The following PRKCB variants were observed in gnomAD, a reference collection of about 807,000 sequenced individuals.
PRKCB encodes the protein protein kinase C beta, also known as protein kinase C beta type.
In PRKCB, 13 loss-of-function variants were observed where a neutral mutation model predicts 81.5. That is an observed-to-expected ratio of 0.16 (90% CI 0.10 to 0.25). PRKCB has a LOEUF of 0.25. Ranked by LOEUF, PRKCB falls within the 10% of genes least tolerant of loss-of-function variation. The probability of loss-of-function intolerance (pLI) is 1.00; values close to 1 mark genes in which losing one functional copy is unlikely to be tolerated. For synonymous variants in PRKCB, 335 were observed against 321.4 expected (o/e 1.04, Z -0.45); for missense variants, 509 against 875.7 (o/e 0.58, Z 5.29).
intron 7 of PRKCB, chr16:24,098,476 A>G (rs1966468202): frequency 6.6e-6 from 1 of 152,268 alleles, no homozygotes; most frequent in African/African-American, 2.4e-5. Context: ...TTGGCCAGGC[A>G]TGGCGGCTCA....
intron 10 of PRKCB, among the ~76,000 whole-genome samples, chr16:24,160,088 C>T (rs1045500571): frequency 8.6e-5 from 13 of 151,896 alleles, no homozygotes; most frequent in African/African-American, 3.1e-4. Context: ...CATTTCTATT[C>T]AATGGAAACT....
intron 8 of PRKCB, among the ~76,000 whole-genome samples, chr16:24,122,468 T>TC (rs1555498212): frequency 1.4e-5 from 2 of 138,930 alleles, no homozygotes; most frequent in African/African-American, 6.6e-5. Flanking sequence ...TTTTTTTTTT[T>TC]AGTGAGAGAG....
At chr16:23,981,216 C>T (rs1964697539) in intron 2 of PRKCB, among the ~76,000 whole-genome samples, 1 of 152,082 alleles carries the variant, frequency 6.6e-6, no homozygotes, top group Admixed American at 6.6e-5. Context: ...CAATCTGTTT[C>T]TTACCTTTTC....
intron 2 of PRKCB, among the ~76,000 whole-genome samples, chr16:23,906,078 G>A (rs924153773): frequency 6.6e-6 from 1 of 152,198 alleles, no homozygotes; most frequent in Non-Finnish European, 1.5e-5. Flanking sequence ...GTGTCGCATT[G>A]GAATCATGAG....
At chr16:23,977,026 C>T (rs1475352747) in intron 2 of PRKCB, among the ~76,000 whole-genome samples, 2 of 152,092 alleles carry the variant, frequency 1.3e-5, no homozygotes, top group Non-Finnish European at 2.9e-5. Context: ...AGTTGCTGAC[C>T]ACTGCAAAAT....
chr16:24,143,242 C>A (rs1443554814), intron 9 of PRKCB, among the ~76,000 whole-genome samples: 1 of 152,150 alleles, frequency 6.6e-6, no homozygotes, highest in African/African-American at 2.4e-5. Flanking sequence ...AAGCGAGTCT[C>A]CTGCCTCAGC....
chr16:23,836,105 C>G lies in PRKCB; in HGVS notation c.-71C>G, dbSNP rs1209958408. Reference sequence around the variant, plus strand: ...CAGCGGCCGCCGCCTCCCGCGCCTCCCCGGCCCGCAGCCCGCGGTCCCGCG... The same window carrying G: ...CAGCGGCCGCCGCCTCCCGCGCCTCGCCGGCCCGCAGCCCGCGGTCCCGCG... On this transcript the variant is annotated 5_prime_UTR_variant, in exon 1 of 17. Transcript: ENST00000643927. The G allele has an allele frequency of 9.3e-7, 1 of 1,080,986 alleles. No individual in the cohort carries two copies. Among genetic ancestry groups the G allele is most frequent in the Non-Finnish European group, 1.1e-6 (1 of 884,304 alleles). 67.0% of individuals were successfully genotyped at this position (1,080,986 alleles called of 1,614,324 possible).
At chr16:23,902,784 C>CCTTCTT (rs1963501526) in intron 2 of PRKCB, among the ~76,000 whole-genome samples, 2 of 15,258 alleles carry the variant, frequency 1.3e-4, no homozygotes, top group African/African-American at 5.0e-4. Context: ...CTTCCTTCCT[C>CCTTCTT]CCTCCCTCCC....
At chr16:24,091,939 G>A (rs1177220366) in intron 5 of PRKCB, among the ~76,000 whole-genome samples, 1 of 152,112 alleles carries the variant, frequency 6.6e-6, no homozygotes, top group Admixed American at 6.5e-5. Context: ...GGTGATACAT[G>A]GATAATAGGT....
intron 2 of PRKCB, among the ~76,000 whole-genome samples, chr16:23,847,368 CTATCTATCTGTCCATCTATCTATCT>C (rs1962391013): frequency 2.7e-4 from 2 of 7,404 alleles, no homozygotes; most frequent in East Asian, 0.019. Flanking sequence ...ATCTATCTAT[CTATCTATCTGTCCATCTATCTATCT>C]ATCCATCCAT....
At chr16:23,987,723 C>T (rs1254444517) in intron 2 of PRKCB, among the ~76,000 whole-genome samples, 1 of 152,030 alleles carries the variant, frequency 6.6e-6, no homozygotes, top group East Asian at 1.9e-4. Context: ...AGCATGGCAC[C>T]CGTCCTCCAG....
At chr16:24,021,356 T>TA (rs1965400035) in intron 3 of PRKCB, among the ~76,000 whole-genome samples, 1 of 54,794 alleles carries the variant, frequency 1.8e-5, no homozygotes, top group Non-Finnish European at 3.0e-5. Flanking sequence ...CCTTCCTTCC[T>TA]CCTTCCCTCC....
chr16:23,868,515 A>G (rs1962845320), intron 2 of PRKCB, among the ~76,000 whole-genome samples: 1 of 152,216 alleles, frequency 6.6e-6, no homozygotes, highest in African/African-American at 2.4e-5. Flanking sequence ...CAGTTACATA[A>G]TTGATTGTCT....
intron 3 of PRKCB, among the ~76,000 whole-genome samples, chr16:24,020,976 T>TTTTCTTTC (rs59486748): frequency 0.069 from 6,627 of 96,210 alleles, 280 homozygotes; most frequent in Non-Finnish European, 0.085. Flanking sequence ...AGACTTTTCT[T>TTTTCTTTC]TTTCTTTCTT....
intron 10 of PRKCB, among the ~76,000 whole-genome samples, chr16:24,158,961 T>C (rs1169087842): frequency 2.6e-5 from 4 of 152,156 alleles, no homozygotes; most frequent in African/African-American, 9.7e-5. Context: ...ACACCCAGCC[T>C]GAAGTCTTTT....
intron 2 of PRKCB, among the ~76,000 whole-genome samples, chr16:23,921,954 CAA>C (rs1319543011): frequency 3.3e-5 from 5 of 151,996 alleles, no homozygotes; most frequent in Non-Finnish European, 7.4e-5. Context: ...GTTCCAACAG[CAA>C]AGACTTAGGG....
chr16:24,053,526 G>A (rs1340765201), intron 5 of PRKCB, among the ~76,000 whole-genome samples: 1 of 152,184 alleles, frequency 6.6e-6, no homozygotes, highest in Non-Finnish European at 1.5e-5. Flanking sequence ...GACAAAGTAG[G>A]TAAATAAGTA....
At chr16:24,032,554 G>C (rs1965563387) in intron 4 of PRKCB, among the ~76,000 whole-genome samples, 1 of 152,178 alleles carries the variant, frequency 6.6e-6, no homozygotes, top group Non-Finnish European at 1.5e-5. Flanking sequence ...GATGGAGGTG[G>C]GCTGGGAGCT....
intron 9 of PRKCB, among the ~76,000 whole-genome samples, chr16:24,144,128 A>G (rs1360388758): frequency 6.6e-6 from 1 of 150,548 alleles, no homozygotes; most frequent in Non-Finnish European, 1.5e-5. Flanking sequence ...AGAAAGTAGG[A>G]GAGAGAGAAA....
Sources: allele counts gnomAD v4.1 joint callset (sites outside exome capture counted in the v4.1 genomes callset), GRCh38; gene constraint gnomAD v4.1.1; transcripts MANE v1.5; gene names NCBI Gene and HGNC (gene_info 2026-07-23, HGNC 2026-07-21).